FRMD3: variants seen among roughly 807,000 people sequenced by gnomAD.
The protein encoded by FRMD3 is FERM domain containing 3, also known as FERM domain-containing protein 3.
A neutral mutation model predicts 70.2 loss-of-function variants in FRMD3; 33 were observed. That is an observed-to-expected ratio of 0.47 (90% confidence interval 0.36 to 0.63). FRMD3 has a LOEUF of 0.63. Among genes scored for constraint, FRMD3 ranks in the 20% least tolerant of loss-of-function variants. FRMD3 has a pLI of 0.00. For synonymous variants in FRMD3, 279 were observed against 255.9 expected (o/e 1.09, Z -0.86); for missense variants, 632 against 711.4 (o/e 0.89, Z 1.27).
chr9:83,321,493 T>C (rs1835799851), intron 6 of FRMD3, among the ~76,000 whole-genome samples: 1 of 152,208 alleles, frequency 6.6e-6, no homozygotes. Flanking sequence ...TTTCAAGCAT[T>C]CCTCTTGGCA....
chr9:83,321,103 T>G (rs924884094), intron 6 of FRMD3, among the ~76,000 whole-genome samples: 2 of 152,130 alleles, frequency 1.3e-5, no homozygotes, highest in African/African-American at 4.8e-5. Context: ...TAATGGTTTA[T>G]CAATTCTGTT....
At chr9:83,346,507 C>G (rs936268243) in intron 4 of FRMD3, among the ~76,000 whole-genome samples, 3 of 152,082 alleles carry the variant, frequency 2.0e-5, no homozygotes, top group African/African-American at 4.8e-5. Context: ...TCTATAGAGA[C>G]AGAAAACAGA....
chr9:83,290,937 G>T (rs1185900431), intron 12 of FRMD3, among the ~76,000 whole-genome samples: 2 of 152,080 alleles, frequency 1.3e-5, no homozygotes, highest in Non-Finnish European at 2.9e-5. Flanking sequence ...ATGTTCTACT[G>T]CAACTCAACG....
At chr9:83,366,582 A>G (rs1226905105) in intron 3 of FRMD3, among the ~76,000 whole-genome samples, 1 of 152,114 alleles carries the variant, frequency 6.6e-6, no homozygotes, top group Non-Finnish European at 1.5e-5. Flanking sequence ...TCAAAAAACA[A>G]AAACAAAAAA....
At chr9:83,312,276 G>T (rs1002750408) in intron 7 of FRMD3, among the ~76,000 whole-genome samples, 2 of 152,184 alleles carry the variant, frequency 1.3e-5, no homozygotes, top group African/African-American at 4.8e-5. Context: ...GTCTTCCGGG[G>T]CTGCCTGTGT....
At chr9:83,485,428 T>G (rs1828667589) in intron 1 of FRMD3, among the ~76,000 whole-genome samples, 1 of 152,218 alleles carries the variant, frequency 6.6e-6, no homozygotes, top group Non-Finnish European at 1.5e-5. Flanking sequence ...TCCTGCTGCA[T>G]AGCACTTAAT....
At chr9:83,543,769 C>T in the FRMD3 span, among the ~76,000 whole-genome samples, 3 of 152,178 alleles carry the variant, frequency 2.0e-5, no homozygotes, top group Admixed American at 1.3e-4. Flanking sequence ...CTGAGAGCTC[C>T]CCACTTCTGT....
At chr9:83,420,931 T>TTTC (rs1346393857) in intron 1 of FRMD3, among the ~76,000 whole-genome samples, 5 of 139,100 alleles carry the variant, frequency 3.6e-5, no homozygotes, top group African/African-American at 1.1e-4. Flanking sequence ...ATCTTTTTTC[T>TTTC]TTCTTCTTTT....
chr9:83,281,616 A>C (rs1393743985), intron 13 of FRMD3: 1 of 152,218 alleles, frequency 6.6e-6, no homozygotes, highest in Non-Finnish European at 1.5e-5. Flanking sequence ...GCCACTCTTA[A>C]CACAGACTGT....
intron 1 of FRMD3, among the ~76,000 whole-genome samples, chr9:83,527,410 T>G (rs1472234604): frequency 6.6e-6 from 1 of 152,162 alleles, no homozygotes; most frequent in Non-Finnish European, 1.5e-5. Flanking sequence ...ATTTCTTTAT[T>G]TATTCACTCA....
At chr9:83,427,204 G>A (rs911149945) in intron 1 of FRMD3, among the ~76,000 whole-genome samples, 9 of 152,144 alleles carry the variant, frequency 5.9e-5, no homozygotes, top group Non-Finnish European at 1.2e-4. Context: ...TATAGGCTTG[G>A]GAAGCAGCCA....
intron 13 of FRMD3, among the ~76,000 whole-genome samples, chr9:83,289,053 C>G (rs1337314294): frequency 1.3e-5 from 2 of 152,174 alleles, no homozygotes; most frequent in Admixed American, 1.3e-4. Flanking sequence ...ATTAGCCACA[C>G]CCTCCTTCAT....
At chr9:83,263,579 T>C (rs1334221229) in intron 13 of FRMD3, among the ~76,000 whole-genome samples, 1 of 152,154 alleles carries the variant, frequency 6.6e-6, no homozygotes, top group East Asian at 1.9e-4. Flanking sequence ...CCCTAGCTAA[T>C]GCAATATGAT....
Position 83,272,855 on chromosome 9 carries a change from G to A in FRMD3, c.1195+17748C>T, listed in dbSNP as rs541035998. Reference sequence around the variant, plus strand: ...CGACCCCATCTGGGAGGTGAGGAGCGTCTCTGCCCGGCCACCCCGTCCGAG... The same window carrying A: ...CGACCCCATCTGGGAGGTGAGGAGCATCTCTGCCCGGCCACCCCGTCCGAG... On this transcript the variant is annotated intron_variant, in intron 13 of 13. Coordinates refer to ENST00000304195, the MANE Select transcript of FRMD3 (RefSeq NM_174938.6). Among the ~76,000 whole-genome samples, 5 of 143,118 alleles carry A rather than the reference G, an allele frequency of 3.5e-5. No individual in the cohort carries two copies. The East Asian group carries it at 8.7e-4, about 25-fold the overall frequency. The allele number at this position is 143,118 out of a possible 152,430, so 93.9% of individuals were successfully genotyped here. A position where few individuals can be genotyped will look rare whatever the true frequency, so the allele number is the denominator to read the frequency against.
In FRMD3 at chr9:83,343,291, C is replaced by T. The variant is rs190990820; in HGVS notation, c.375-4G>A. 12 of 1,596,492 alleles carry T rather than the reference C, an allele frequency of 7.5e-6. No homozygotes were observed. In the African/African-American group the frequency reaches 1.6e-4, roughly 21 times the overall value. On this transcript the variant is annotated splice_polypyrimidine_tract_variant and splice_region_variant and intron_variant, in intron 4 of 13. Coordinates refer to ENST00000304195, the MANE Select transcript of FRMD3 (RefSeq NM_174938.6). ...AATCTGAAGGTATAAAAGGTATCTG[C>T]AATACAAAAGGAGAAATGGTCACTC... is the stretch of plus-strand genomic sequence containing the variant.
At chr9:83,349,247 G>T (rs1824063965) in intron 4 of FRMD3, among the ~76,000 whole-genome samples, 1 of 152,102 alleles carries the variant, frequency 6.6e-6, no homozygotes, top group African/African-American at 2.4e-5. Context: ...CTGCCTCCCA[G>T]TCGGTCATTC....
At chr9:83,272,760 A>G (rs1166905996) in intron 13 of FRMD3, among the ~76,000 whole-genome samples, 4 of 118,308 alleles carry the variant, frequency 3.4e-5, no homozygotes, top group African/African-American at 1.3e-4. Flanking sequence ...GCCGCCCATC[A>G]TCTGAGATGT....
the FRMD3 span, among the ~76,000 whole-genome samples, chr9:83,549,704 T>C: frequency 6.6e-6 from 1 of 152,214 alleles, no homozygotes; most frequent in Non-Finnish European, 1.5e-5. Flanking sequence ...TGATCAGTGA[T>C]ATCGAGCATT....
At chr9:83,347,428 A>G (rs1823999683) in intron 4 of FRMD3, among the ~76,000 whole-genome samples, 1 of 152,214 alleles carries the variant, frequency 6.6e-6, no homozygotes, top group African/African-American at 2.4e-5. Context: ...ATAAAATTGC[A>G]TCTCTACATG....
Sources: allele counts gnomAD v4.1 joint callset (sites outside exome capture counted in the v4.1 genomes callset), GRCh38; gene constraint gnomAD v4.1.1; transcripts MANE v1.5; gene names NCBI Gene and HGNC (gene_info 2026-07-23, HGNC 2026-07-21).